Variants in PTPRM observed in about 807,000 individuals in gnomAD.
PTPRM encodes protein tyrosine phosphatase receptor type M, also known as receptor-type tyrosine-protein phosphatase mu.
A neutral mutation model predicts 186.7 loss-of-function variants in PTPRM; 47 were observed. The ratio of observed to expected loss-of-function variants is 0.25; its 90% CI spans 0.20 to 0.32. PTPRM has a LOEUF of 0.32. Ranked by LOEUF, PTPRM falls within the 10% of genes least tolerant of loss-of-function variation. The pLI, the probability that PTPRM is intolerant of heterozygous loss-of-function variation, is 1.00. For missense variants in PTPRM, 1,494 were observed against 1,865.0 expected, an observed-to-expected ratio of 0.80 and a Z score of 3.66; for synonymous variants, 668 against 674.9, an observed-to-expected ratio of 0.99 and a Z score of 0.16.
chr18:7,754,091 G>C (rs2041351533), intron 1 of PTPRM, among the ~76,000 whole-genome samples: 1 of 152,186 alleles, frequency 6.6e-6, no homozygotes, highest in South Asian at 2.1e-4. Flanking sequence ...TCCAGTATGT[G>C]AAAATGCTTT....
At chr18:8,227,305 C>T (rs774233635) in intron 14 of PTPRM, among the ~76,000 whole-genome samples, 1 of 152,184 alleles carries the variant, frequency 6.6e-6, no homozygotes, top group Non-Finnish European at 1.5e-5. Context: ...CATTCATGCA[C>T]CTGAAGCAAC....
chr18:7,690,755 A>G (rs2039713830), intron 1 of PTPRM, among the ~76,000 whole-genome samples: 1 of 152,216 alleles, frequency 6.6e-6, no homozygotes. Flanking sequence ...CCTAAAGTTC[A>G]TTAACTCTTA....
intron 1 of PTPRM, among the ~76,000 whole-genome samples, chr18:7,612,434 A>G (rs891024255): frequency 2.1e-4 from 32 of 152,162 alleles, no homozygotes; most frequent in African/African-American, 7.0e-4. Flanking sequence ...ATTTCTTCTT[A>G]CAGATTTATC....
intron 7 of PTPRM, among the ~76,000 whole-genome samples, chr18:7,972,479 T>TAAAAAAAAAAAAAAAAAAAAAAAAAAAAA (rs11445031): frequency 2.3e-5 from 1 of 44,368 alleles, no homozygotes; most frequent in Admixed American, 3.7e-4. Flanking sequence ...AAAAAAACAT[T>TAAAAAAAAAAAAAAAAAAAAAAAAAAAAA]AAAAAAAAAA....
chr18:7,909,255 C>A (rs929082794), intron 4 of PTPRM, among the ~76,000 whole-genome samples: 3 of 152,168 alleles, frequency 2.0e-5, no homozygotes, highest in African/African-American at 7.2e-5. Flanking sequence ...TTTGTTCTTC[C>A]CATAGGAGAG....
At chr18:8,354,885 G>A (rs1016159277) in intron 23 of PTPRM, among the ~76,000 whole-genome samples, 1 of 152,234 alleles carries the variant, frequency 6.6e-6, no homozygotes, top group African/African-American at 2.4e-5. Flanking sequence ...AGATGAAGCA[G>A]CACCTAGAAG....
intron 31 of PTPRM, 26 bp from the exon 32 acceptor site, chr18:8,394,450 C>T: frequency 3.1e-6 from 5 of 1,596,138 alleles, no homozygotes; most frequent in Non-Finnish European, 4.3e-6. Context: ...AGACCGAGTG[C>T]AGTCATCTGA....
intron 11 of PTPRM, among the ~76,000 whole-genome samples, chr18:8,100,328 A>C (rs2091236076): frequency 6.6e-6 from 1 of 151,940 alleles, no homozygotes; most frequent in Non-Finnish European, 1.5e-5. Context: ...TTTAGTAGAG[A>C]CGGGGTTTTG....
intron 1 of PTPRM, among the ~76,000 whole-genome samples, chr18:7,772,488 TCCTTCCTTCCTTCCTTCTTTTTTTTCTA>T (rs2042374598): frequency 6.9e-6 from 1 of 144,706 alleles, no homozygotes; most frequent in East Asian, 2.0e-4. Context: ...CTTCCTTCCT[TCCTTCCTTCCTTCCTTCTTTTTTTTCTA>T]TTTTTTCACA....
intron 7 of PTPRM, among the ~76,000 whole-genome samples, chr18:8,021,229 A>G (rs1355388301): frequency 1.3e-5 from 2 of 152,026 alleles, no homozygotes; most frequent in Admixed American, 1.3e-4. Context: ...GCGGCTTCAA[A>G]CAGTCCTGCA....
At chr18:7,650,683 A>G (rs977944255) in intron 1 of PTPRM, among the ~76,000 whole-genome samples, 1 of 152,132 alleles carries the variant, frequency 6.6e-6, no homozygotes, top group South Asian at 2.1e-4. Context: ...TTCATGATGC[A>G]GACTGTACCG....
At chr18:8,170,405 G>A (rs1476815285) in intron 14 of PTPRM, among the ~76,000 whole-genome samples, 2 of 151,144 alleles carry the variant, frequency 1.3e-5, no homozygotes, top group Non-Finnish European at 2.9e-5. Context: ...CAGTAAATTT[G>A]TAAATGAGCT....
At chr18:8,250,789 CAA>C (rs112146808) in intron 17 of PTPRM, among the ~76,000 whole-genome samples, 15 of 106,848 alleles carry the variant, frequency 1.4e-4, no homozygotes, top group Non-Finnish European at 1.4e-4. Context: ...ACCCTGTCTC[CAA>C]AAAAAAAAAA....
At chr18:7,715,785 G>C (rs189138820) in intron 1 of PTPRM, among the ~76,000 whole-genome samples, 1 of 152,110 alleles carries the variant, frequency 6.6e-6, no homozygotes, top group Non-Finnish European at 1.5e-5. Flanking sequence ...AAATACCTAA[G>C]ACTCTAACTT....
At chr18:7,780,664 C>T (rs138247493) in intron 2 of PTPRM, among the ~76,000 whole-genome samples, 165 of 152,218 alleles carry the variant, frequency 1.1e-3, no homozygotes, top group African/African-American at 3.9e-3. Flanking sequence ...GAGTTTCTAG[C>T]CTCTTGATGA....
chr18:7,628,175 C>A (rs192787576), intron 1 of PTPRM, among the ~76,000 whole-genome samples: 2 of 152,102 alleles, frequency 1.3e-5, no homozygotes, highest in African/African-American at 4.8e-5. Context: ...AACACACATG[C>A]ACGCACACAC....
At chr18:8,277,139 G>A (rs1203020137) in intron 19 of PTPRM, among the ~76,000 whole-genome samples, 3 of 152,260 alleles carry the variant, frequency 2.0e-5, no homozygotes, top group African/African-American at 7.2e-5. Flanking sequence ...GTTTTACCAT[G>A]TTGGCAAGGC....
chr18:7,925,257 G>A (rs1240947563), intron 4 of PTPRM, among the ~76,000 whole-genome samples: 2 of 152,156 alleles, frequency 1.3e-5, no homozygotes, highest in African/African-American at 4.8e-5. Flanking sequence ...AGAGTTGTAT[G>A]TTAATATATT....
chr18:8,065,513 C>T (rs2088994537), intron 7 of PTPRM, among the ~76,000 whole-genome samples: 2 of 152,112 alleles, frequency 1.3e-5, no homozygotes, highest in Admixed American at 1.3e-4. Context: ...ATTCTCATCT[C>T]TTATCATGAG....
Sources: gnomAD v4.1 joint callset for allele counts (sites outside exome capture counted in the v4.1 genomes callset) on GRCh38, gnomAD v4.1.1 for gene constraint, MANE v1.5 for transcripts, NCBI Gene and HGNC (gene_info 2026-07-23, HGNC 2026-07-21) for gene names.